AGBL4: variants seen among roughly 807,000 people sequenced by gnomAD.
AGBL4 encodes cytosolic carboxypeptidase 6.
In AGBL4, 58 loss-of-function variants were observed where a neutral mutation model predicts 66.4. The ratio of observed to expected loss-of-function variants is 0.87; its 90% confidence interval spans 0.71 to 1.09. The LOEUF (loss-of-function observed/expected upper bound fraction) is 1.09, where lower values mean the gene tolerates loss of function less well. Among genes scored for constraint, AGBL4 ranks in the 50% least tolerant of loss-of-function variants. The pLI is 0.00. For synonymous variants in AGBL4, 234 were observed against 222.9 expected (o/e 1.05, Z -0.44); for missense variants, 579 against 631.0 (o/e 0.92, Z 0.88).
intron 5 of AGBL4, among the ~76,000 whole-genome samples, chr1:49,022,754 T>G (rs1166881714): frequency 6.6e-6 from 1 of 152,214 alleles, no homozygotes; most frequent in East Asian, 1.9e-4. Flanking sequence ...CATACAAATG[T>G]CTTTCTGAGA....
chr1:48,595,079 A>C (rs1324626451), intron 9 of AGBL4, among the ~76,000 whole-genome samples: 1 of 152,198 alleles, frequency 6.6e-6, no homozygotes, highest in Admixed American at 6.5e-5. Context: ...ATAGAAGCTA[A>C]TATCATTCAT....
chr1:48,697,714 C>T (rs1646733724), intron 6 of AGBL4, among the ~76,000 whole-genome samples: 1 of 152,176 alleles, frequency 6.6e-6, no homozygotes, highest in African/African-American at 2.4e-5. Context: ...TCACCTACTC[C>T]ATTAATTCTG....
chr1:49,020,690 A>C (rs1663178464), intron 5 of AGBL4, among the ~76,000 whole-genome samples: 1 of 152,160 alleles, frequency 6.6e-6, no homozygotes, highest in Non-Finnish European at 1.5e-5. Flanking sequence ...GAGATAACTG[A>C]AAAGAAACAG....
At chr1:48,746,640 G>C (rs1650812088) in intron 6 of AGBL4, among the ~76,000 whole-genome samples, 1 of 152,216 alleles carries the variant, frequency 6.6e-6, no homozygotes, top group South Asian at 2.1e-4. Context: ...GGCTTGAAAA[G>C]CCAACCAAAG....
At chr1:49,800,261 A>C (rs1644826685) in intron 2 of AGBL4, among the ~76,000 whole-genome samples, 1 of 152,130 alleles carries the variant, frequency 6.6e-6, no homozygotes, top group South Asian at 2.1e-4. Context: ...TGATTTCATG[A>C]TTATGTTACA....
At chr1:49,080,067 C>A (rs1475520500) in intron 4 of AGBL4, among the ~76,000 whole-genome samples, 1 of 152,044 alleles carries the variant, frequency 6.6e-6, no homozygotes, top group Non-Finnish European at 1.5e-5. Context: ...CCTGAAAATC[C>A]CCAATTAAAG....
intron 6 of AGBL4, among the ~76,000 whole-genome samples, chr1:48,866,786 T>G (rs918367018): frequency 1.3e-5 from 2 of 152,186 alleles, no homozygotes; most frequent in African/African-American, 4.8e-5. Context: ...TTTCCCAGAC[T>G]GGCCCAATCT....
chr1:49,998,319 C>T (rs959271221), intron 1 of AGBL4, among the ~76,000 whole-genome samples: 2 of 151,860 alleles, frequency 1.3e-5, no homozygotes, highest in South Asian at 2.1e-4. Flanking sequence ...TTTATGTGTA[C>T]AAATTAGAAA....
intron 1 of AGBL4, among the ~76,000 whole-genome samples, chr1:49,953,287 C>T (rs1656315953): frequency 6.6e-6 from 1 of 151,858 alleles, no homozygotes; most frequent in Non-Finnish European, 1.5e-5. Flanking sequence ...AAGATTATGA[C>T]ACAAATGGAA....
intron 3 of AGBL4, among the ~76,000 whole-genome samples, chr1:49,440,067 T>C (rs1258727914): frequency 3.4e-5 from 4 of 119,348 alleles, no homozygotes; most frequent in South Asian, 2.6e-4. Flanking sequence ...CTAAGGACTC[T>C]ACTTTTTTTT....
intron 6 of AGBL4, among the ~76,000 whole-genome samples, chr1:48,851,601 G>A (rs1221515496): frequency 6.6e-6 from 1 of 152,124 alleles, no homozygotes; most frequent in Non-Finnish European, 1.5e-5. Context: ...ACAAATAGCT[G>A]AAAACCACCA....
At chr1:48,704,974 T>C (rs1257888917) in intron 6 of AGBL4, among the ~76,000 whole-genome samples, 2 of 152,236 alleles carry the variant, frequency 1.3e-5, no homozygotes, top group African/African-American at 4.8e-5. Flanking sequence ...CCAGCATCAC[T>C]GCAATCATGT....
intron 6 of AGBL4, among the ~76,000 whole-genome samples, chr1:48,859,849 G>A (rs1293555273): frequency 6.6e-6 from 1 of 152,142 alleles, no homozygotes. Context: ...ATATAAGAAT[G>A]CTCACCGTGG....
At chr1:49,935,988 A>T (rs2148277564) in intron 1 of AGBL4, among the ~76,000 whole-genome samples, 1 of 152,320 alleles carries the variant, frequency 6.6e-6, no homozygotes, top group South Asian at 2.1e-4. Flanking sequence ...CTGGAGGGAG[A>T]ATGACTTTGA....
At chr1:49,933,820 C>T (rs952598496) in intron 1 of AGBL4, among the ~76,000 whole-genome samples, 14 of 151,944 alleles carry the variant, frequency 9.2e-5, no homozygotes, top group African/African-American at 3.4e-4. Flanking sequence ...ATTATAAGAA[C>T]ATCAGCAAAA....
chr1:49,566,377 T>C (rs1425190106), intron 3 of AGBL4, among the ~76,000 whole-genome samples: 1 of 152,218 alleles, frequency 6.6e-6, no homozygotes, highest in East Asian at 1.9e-4. Context: ...AGAGGCGCTC[T>C]GATTTTTAGT....
chr1:49,725,996 G>A (rs1422483370), intron 2 of AGBL4, among the ~76,000 whole-genome samples: 2 of 152,172 alleles, frequency 1.3e-5, no homozygotes, highest in Non-Finnish European at 2.9e-5. Flanking sequence ...AGGTGATTTA[G>A]AGTTTCAGAT....
chr1:49,972,399 AC>A (rs1333045893), intron 1 of AGBL4, among the ~76,000 whole-genome samples: 1 of 152,004 alleles, frequency 6.6e-6, no homozygotes, highest in Non-Finnish European at 1.5e-5. Context: ...TTTAGTCCCC[AC>A]TAATAAGTGA....
intron 12 of AGBL4, among the ~76,000 whole-genome samples, chr1:48,535,810 C>T (rs1270181060): frequency 1.3e-5 from 2 of 152,100 alleles, no homozygotes; most frequent in Non-Finnish European, 2.9e-5. Flanking sequence ...AGGAGAGGAA[C>T]TTCTGCTTGG....
Sources: gnomAD v4.1 joint callset for allele counts (sites outside exome capture counted in the v4.1 genomes callset) on GRCh38, gnomAD v4.1.1 for gene constraint, MANE v1.5 for transcripts, NCBI Gene and HGNC (gene_info 2026-07-23, HGNC 2026-07-21) for gene names.